Variants in SPIDR observed in about 807,000 individuals in gnomAD.
SPIDR encodes DNA repair-scaffolding protein.
Under a neutral mutation model 104.6 loss-of-function variants are expected in SPIDR, and 93 were observed. That is an observed-to-expected ratio of 0.89 (90% CI 0.75 to 1.06). The LOEUF is 1.06. Among genes scored for constraint, SPIDR ranks in the 50% least tolerant of loss-of-function variants. The probability of loss-of-function intolerance (pLI) is 0.00; values close to 1 mark genes in which losing one functional copy is unlikely to be tolerated. For missense variants in SPIDR, 1,154 were observed against 1,111.2 expected, an observed-to-expected ratio of 1.04 and a Z score of -0.55; for synonymous variants, 431 against 416.9, an observed-to-expected ratio of 1.03 and a Z score of -0.41.
chr8:47,733,449 T>G (rs534392205), intron 19 of SPIDR, among the ~76,000 whole-genome samples: 1 of 152,336 alleles, frequency 6.6e-6, no homozygotes, highest in South Asian at 2.1e-4. Flanking sequence ...CCTAACATTT[T>G]ACAAATAAAT....
chr8:47,536,504 A>G (rs1357015268), intron 8 of SPIDR, among the ~76,000 whole-genome samples: 1 of 152,326 alleles, frequency 6.6e-6, no homozygotes, highest in Admixed American at 6.5e-5. Flanking sequence ...ACAAAGAAGC[A>G]AAGGATATTT....
At chr8:47,352,563 A>G (rs1307678763) in intron 5 of SPIDR, among the ~76,000 whole-genome samples, 1 of 152,072 alleles carries the variant, frequency 6.6e-6, no homozygotes, top group East Asian at 1.9e-4. Flanking sequence ...TAGACTGCTA[A>G]ATGTTTGTGG....
chr8:47,527,818 A>C (rs1464626326), intron 8 of SPIDR: 3 of 152,200 alleles, frequency 2.0e-5, no homozygotes, highest in African/African-American at 4.8e-5. Context: ...TATTCTTTTA[A>C]TGGACGTGAA....
Position 47,673,822 on chromosome 8 carries a change from T to C in SPIDR, c.1566T>C (p.Asp522=). Residue 522 remains aspartate (D), a synonymous_variant, in exon 11 of 20, where the codon GAT becomes GAC. Transcript: ENST00000297423. ...ACAGAGCCTGCCTTCTGGTACAAGA[T>C]GCCTGTGGAATGTTCGGTGAAGTGC... ...AGTRACLLVQ[D]ACGMFGEVHL... 1.2e-6 allele frequency: 2 copies of C among 1,614,168 alleles called. No homozygotes were observed. Among genetic ancestry groups the C allele is most frequent in the Non-Finnish European group, 1.7e-6 (2 of 1,180,026 alleles).
intron 8 of SPIDR, among the ~76,000 whole-genome samples, chr8:47,443,171 T>G (rs1563986747): frequency 6.6e-6 from 1 of 152,112 alleles, no homozygotes; most frequent in Non-Finnish European, 1.5e-5. Flanking sequence ...TTTGGAATGT[T>G]TGTAGGTCTG....
intron 19 of SPIDR, 30 bp downstream of exon 19, chr8:47,729,495 C>T (rs779578286): frequency 2.2e-5 from 35 of 1,578,632 alleles, no homozygotes; most frequent in Non-Finnish European, 2.8e-5. Context: ...CCCAGGGGGC[C>T]GCACACTCAG....
chr8:47,282,010 T>A (rs2037888665), intron 2 of SPIDR, among the ~76,000 whole-genome samples: 1 of 152,258 alleles, frequency 6.6e-6, no homozygotes, highest in Non-Finnish European at 1.5e-5. Context: ...CTCCTTGTAC[T>A]TCTCCATCAT....
intron 10 of SPIDR, among the ~76,000 whole-genome samples, chr8:47,631,944 C>T (rs2067131003): frequency 6.6e-6 from 1 of 152,104 alleles, no homozygotes; most frequent in Admixed American, 6.6e-5. Context: ...CCCTGAGAGG[C>T]TTGAAGACAT....
chr8:47,442,325 T>C (rs1211906970), intron 8 of SPIDR, among the ~76,000 whole-genome samples: 1 of 152,240 alleles, frequency 6.6e-6, no homozygotes, highest in Non-Finnish European at 1.5e-5. Flanking sequence ...TATTCAATTA[T>C]GTATTTAACA....
At chr8:47,319,402 A>G (rs1554592796) in intron 5 of SPIDR, among the ~76,000 whole-genome samples, 1 of 152,224 alleles carries the variant, frequency 6.6e-6, no homozygotes, top group South Asian at 2.1e-4. Flanking sequence ...TAGCTAGCCT[A>G]AATATATATG....
At chr8:47,515,452 T>C (rs1421369253) in intron 8 of SPIDR, among the ~76,000 whole-genome samples, 2 of 152,148 alleles carry the variant, frequency 1.3e-5, no homozygotes, top group African/African-American at 4.8e-5. Context: ...TGTCCTCTGG[T>C]ATAGAAAAGA....
At chr8:47,301,422 T>C (rs954025729) in intron 5 of SPIDR, among the ~76,000 whole-genome samples, 1 of 152,258 alleles carries the variant, frequency 6.6e-6, no homozygotes, top group Non-Finnish European at 1.5e-5. Context: ...TGTCTTTTTA[T>C]TGGAGCATTT....
chr8:47,658,041 AAAAAAAAAG>A, intron 10 of SPIDR, among the ~76,000 whole-genome samples: 1 of 150,730 alleles, frequency 6.6e-6, no homozygotes, highest in African/African-American at 2.4e-5. Context: ...AAAAAAAAAA[AAAAAAAAAG>A]AAAAAGAAAA....
chr8:47,626,831 G>A (rs890888120), intron 10 of SPIDR, among the ~76,000 whole-genome samples: 88 of 152,086 alleles, frequency 5.8e-4, no homozygotes, highest in Non-Finnish European at 7.9e-4. Context: ...TCAGTGTGGC[G>A]ATTCCTCAGG....
intron 8 of SPIDR, among the ~76,000 whole-genome samples, chr8:47,495,134 A>G (rs949632989): frequency 1.2e-4 from 19 of 152,270 alleles, no homozygotes; most frequent in African/African-American, 4.3e-4. Context: ...TTGAAATAAC[A>G]TGGCAACAAT....
At chr8:47,377,401 C>T (rs2154298353) in intron 5 of SPIDR, among the ~76,000 whole-genome samples, 1 of 152,298 alleles carries the variant, frequency 6.6e-6, no homozygotes, top group African/African-American at 2.4e-5. Flanking sequence ...CAGTTTATTA[C>T]AGCAAAGGAA....
chr8:47,572,618 C>T (rs993196125), intron 8 of SPIDR, among the ~76,000 whole-genome samples: 15 of 151,466 alleles, frequency 9.9e-5, no homozygotes, highest in Admixed American at 4.0e-4. Flanking sequence ...GCTGAGATTG[C>T]GCCACTGCCA....
chr8:47,558,167 G>A (rs1422437236), intron 8 of SPIDR, among the ~76,000 whole-genome samples: 8 of 152,164 alleles, frequency 5.3e-5, no homozygotes, highest in South Asian at 2.1e-4. Context: ...GAGGGAGGGA[G>A]CAGGGCAAGG....
At chr8:47,730,028 G>C (rs1234390058) in intron 19 of SPIDR, among the ~76,000 whole-genome samples, 29 of 152,060 alleles carry the variant, frequency 1.9e-4, no homozygotes, top group Admixed American at 1.9e-3. Flanking sequence ...CTGCCCCCTG[G>C]CTTTGATTAC....
Sources: allele counts gnomAD v4.1 joint callset (sites outside exome capture counted in the v4.1 genomes callset), GRCh38; gene constraint gnomAD v4.1.1; transcripts MANE v1.5; gene names NCBI Gene and HGNC (gene_info 2026-07-23, HGNC 2026-07-21).